Variants in KIF1A observed in about 807,000 individuals in gnomAD.
The protein encoded by KIF1A is kinesin-like protein KIF1A.
A neutral mutation model predicts 227.3 loss-of-function variants in KIF1A; 46 were observed. The observed-to-expected ratio is 0.20, with a 90% CI of 0.16 to 0.26. The LOEUF (loss-of-function observed/expected upper bound fraction) is 0.26, where lower values mean the gene tolerates loss of function less well. Ranked by LOEUF, KIF1A falls within the 10% of genes least tolerant of loss-of-function variation. The pLI is 1.00. For missense variants in KIF1A, 1,683 were observed against 2,485.9 expected, an observed-to-expected ratio of 0.68 and a Z score of 6.87; for synonymous variants, 1,022 against 1,012.8, an observed-to-expected ratio of 1.01 and a Z score of -0.17.
intron 37 of KIF1A, chr2:240,737,460 C>G (rs1221870747): frequency 4.7e-6 from 1 of 212,594 alleles, no homozygotes; most frequent in Admixed American, 5.1e-5. Flanking sequence ...CACCGGCCTT[C>G]CTGACTGCTG....
Position 240,785,129 on chromosome 2 carries a change from C to T in KIF1A, c.609-29G>A, listed in dbSNP as rs539159778. ...AGGAGCAGAAAGCCACGCACGGTTA[C>T]CCCTCGTCCTGTGGCCGGGTGCGAG... is the stretch of plus-strand genomic sequence containing the variant. On this transcript the variant is annotated intron_variant, in intron 6 of 48. Transcript: ENST00000498729. The T allele has an allele frequency of 1.5e-5, 23 of 1,570,672 alleles. No homozygotes were observed. In the South Asian group the frequency reaches 2.2e-4, roughly 15 times the overall value.
At chr2:240,729,176 C>CCCAG (rs1385519696) in intron 38 of KIF1A, among the ~76,000 whole-genome samples, 1 of 152,064 alleles carries the variant, frequency 6.6e-6, no homozygotes, top group Non-Finnish European at 1.5e-5. Context: ...CTGGGTAAGA[C>CCCAG]CCAGCCTGCA....
At chr2:240,801,238 T>C (rs985742110) in intron 1 of KIF1A, among the ~76,000 whole-genome samples, 1 of 151,402 alleles carries the variant, frequency 6.6e-6, no homozygotes, top group African/African-American at 2.4e-5. Context: ...GACAAATATA[T>C]TCAAAATAAG....
rs972774239 is a variant in KIF1A, at chr2:240,719,589, A to G, written c.5021+185T>C. Among the ~76,000 whole-genome samples the G allele has an allele frequency of 3.2e-4, 48 of 152,174 alleles. 1 individual carries two copies. Among genetic ancestry groups the G allele is most frequent in the Admixed American group, 3.1e-3 (47 of 15,288 alleles). ...ACAGGGCCCTGCCTGACCTCCCAGC[A>G]TGGAGCTGTCCCTCCATGTGGGTCA... On this transcript the variant is annotated intron_variant, in intron 46 of 48. Coordinates refer to ENST00000498729, the MANE Select transcript of KIF1A (RefSeq NM_001244008.2).
chr2:240,721,755 T>C (rs2045417273), intron 44 of KIF1A, 52 bp downstream of exon 44: 14 of 1,449,496 alleles, frequency 9.7e-6, no homozygotes, highest in Non-Finnish European at 1.2e-5. Context: ...GACCACTGCC[T>C]ATGGGAGCCC....
chr2:240,740,444 A>C lies in KIF1A; in HGVS notation c.3750-80T>G. 2 of 1,226,112 alleles carry C rather than the reference A, an allele frequency of 1.6e-6. No homozygotes were observed. The highest frequency in any genetic ancestry group is 2.4e-6 in the Non-Finnish European group (2 of 838,282). The allele number at this position is 1,226,112 out of a possible 1,614,324, so 76.0% of individuals were successfully genotyped here. A position where few individuals can be genotyped will look rare whatever the true frequency, so the allele number is the denominator to read the frequency against. On this transcript the variant is annotated intron_variant, in intron 35 of 48. Coordinates refer to ENST00000498729, the MANE Select transcript of KIF1A (RefSeq NM_001244008.2). The surrounding 1 kb of genome is among the most constrained non-coding windows in gnomAD (Gnocchi z 6.1). The stretch of plus-strand genomic sequence containing the variant: ...CGCAGCACAGGACACAGTGGACGGG[A>C]GCAAAAACAGGGAAAAGTCAGCAGC...
chr2:240,766,749 T>TCTCTCTCTCTCTCACACACACACA lies in KIF1A; in HGVS notation c.1684+165_1684+166insTGTGTGTGTGTGAGAGAGAGAGAG, dbSNP rs1454271542. 9.2e-6 allele frequency among the ~76,000 whole-genome samples: 1 copy of TCTCTCTCTCTCTCACACACACACA among 108,972 alleles called. No individual in the cohort carries two copies. Among genetic ancestry groups the TCTCTCTCTCTCTCACACACACACA allele is most frequent in the African/African-American group, 4.1e-5 (1 of 24,110 alleles). The allele number at this position is 108,972 out of a possible 152,430, so 71.5% of individuals were successfully genotyped here. On this transcript the variant is annotated intron_variant, in intron 19 of 48. Transcript: ENST00000498729. This position sits in a 1 kb window ranked among gnomAD's most constrained non-coding sequence, Gnocchi z 5.0. ...CTCTCTCTCTCTCTCTCTCTCTCTC[T>TCTCTCTCTCTCTCACACACACACA]CACACACACACACACACACACACAC...
intron 33 of KIF1A, 125 bp from the exon 34 acceptor site, chr2:240,743,109 C>T (rs558682385): frequency 1.6e-5 from 11 of 706,674 alleles, no homozygotes; most frequent in African/African-American, 1.1e-4. Context: ...TCTCCAAGAC[C>T]GTCCACCAGC....
intron 1 of KIF1A, among the ~76,000 whole-genome samples, chr2:240,811,511 G>T (rs866621449): frequency 2.2e-4 from 34 of 152,106 alleles, no homozygotes; most frequent in African/African-American, 8.0e-4. Context: ...TGAGGATGGG[G>T]GTCTGACACA....
chr2:240,793,949 G>A lies in KIF1A; in HGVS notation c.106+3698C>T, dbSNP rs2056066890. Among the ~76,000 whole-genome samples, 3 of 152,184 alleles carry A rather than the reference G, an allele frequency of 2.0e-5. 1 individual carries two copies. The South Asian group carries it at 6.2e-4, about 32-fold the overall frequency. Reference sequence around the variant, plus strand: ...ATCTTCCGAGGGGCCTGGCACACCAGCCAGGGCAGCCACTCCCAATTCTAT... The same window carrying A: ...ATCTTCCGAGGGGCCTGGCACACCAACCAGGGCAGCCACTCCCAATTCTAT... On this transcript the variant is annotated intron_variant, in intron 2 of 48. Transcript: ENST00000498729. This position sits in a 1 kb window ranked among gnomAD's most constrained non-coding sequence, Gnocchi z 4.8.
intron 14 of KIF1A, among the ~76,000 whole-genome samples, chr2:240,771,790 G>A (rs2052031374): frequency 6.6e-6 from 1 of 152,222 alleles, no homozygotes; most frequent in Admixed American, 6.5e-5. Flanking sequence ...TCATGAGGGA[G>A]GCCCTTCCCC....
In KIF1A at chr2:240,723,966, G is replaced by A; in HGVS notation, c.4318+9C>T. ...GAACCCACCCAGTGAGAGCAGGGCAGATACCTACCTGGGCTGCCCGCGTCA... is the reference window on the plus strand; with the variant it reads ...GAACCCACCCAGTGAGAGCAGGGCAAATACCTACCTGGGCTGCCCGCGTCA... On this transcript the variant is annotated intron_variant, in intron 41 of 48. Coordinates refer to ENST00000498729, the MANE Select transcript of KIF1A (RefSeq NM_001244008.2). 6.2e-7 allele frequency: 1 copy of A among 1,611,194 alleles called. No individual in the cohort carries two copies. The highest frequency in any genetic ancestry group is 8.5e-7 in the Non-Finnish European group (1 of 1,178,512).
At chr2:240,786,874 T>G (rs2126084338) in intron 5 of KIF1A, among the ~76,000 whole-genome samples, 1 of 102,358 alleles carries the variant, frequency 9.8e-6, no homozygotes, top group South Asian at 2.8e-4. Context: ...GCAGCCCCTG[T>G]GTGTATGTTC....
chr2:240,796,126 G>A (rs1468093925), intron 2 of KIF1A, among the ~76,000 whole-genome samples: 3 of 152,204 alleles, frequency 2.0e-5, no homozygotes, highest in African/African-American at 7.2e-5. Context: ...GGGCCACAGT[G>A]CTCACCAGAG....
intron 2 of KIF1A, among the ~76,000 whole-genome samples, chr2:240,797,084 C>G (rs1335135180): frequency 6.6e-6 from 1 of 152,218 alleles, no homozygotes. Context: ...GCACCAGAGG[C>G]CCCAGCACAA....
rs1460034454 is a variant in KIF1A, at chr2:240,789,430, C to T, written c.107-118G>A. Reference sequence around the variant, plus strand: ...GGCCTCGGGCCCCAGACAAGCCAGGCCCCCAAATTGGAGGGGACCTAGGAC... The same window carrying T: ...GGCCTCGGGCCCCAGACAAGCCAGGTCCCCAAATTGGAGGGGACCTAGGAC... On this transcript the variant is annotated intron_variant, in intron 2 of 48. Transcript: ENST00000498729. This position sits in a 1 kb window ranked among gnomAD's most constrained non-coding sequence, Gnocchi z 4.8. 4 of 782,644 alleles carry T rather than the reference C, an allele frequency of 5.1e-6. No individual in the cohort carries two copies. The African/African-American group carries it at 6.9e-5, about 13-fold the overall frequency. 48.5% of individuals were successfully genotyped at this position (782,644 alleles called of 1,614,324 possible).
At chr2:240,816,776 C>T (rs2058357071) in intron 1 of KIF1A, among the ~76,000 whole-genome samples, 1 of 152,366 alleles carries the variant, frequency 6.6e-6, no homozygotes, top group Non-Finnish European at 1.5e-5. Context: ...CTCTACAATG[C>T]ACTAGGCCTG....
chr2:240,807,758 C>T (rs2057549807), intron 1 of KIF1A, among the ~76,000 whole-genome samples: 1 of 152,028 alleles, frequency 6.6e-6, no homozygotes, highest in African/African-American at 2.4e-5. Context: ...CACTGATGAA[C>T]ATAGGTACAA....
intron 38 of KIF1A, among the ~76,000 whole-genome samples, chr2:240,735,743 G>A (rs374383398): frequency 3.9e-5 from 6 of 152,192 alleles, no homozygotes; most frequent in East Asian, 3.9e-4. Context: ...TTCTCATGGC[G>A]GCAGGAGAAG....
Sources: gnomAD v4.1 joint callset for allele counts (sites outside exome capture counted in the v4.1 genomes callset) on GRCh38, gnomAD v4.1.1 for gene constraint, Gnocchi (gnomAD v3.1) non-coding constraint, MANE v1.5 for transcripts, NCBI Gene and HGNC (gene_info 2026-07-23, HGNC 2026-07-21) for gene names.